Variants in SLC35F3 observed in about 807,000 individuals in gnomAD.
SLC35F3 encodes the protein solute carrier family 35 member F3.
A neutral mutation model predicts 49.9 loss-of-function variants in SLC35F3; 25 were observed. The ratio of observed to expected loss-of-function variants is 0.50; its 90% CI spans 0.37 to 0.70. The LOEUF (loss-of-function observed/expected upper bound fraction) is 0.70, where lower values mean the gene tolerates loss of function less well. Among genes scored for constraint, SLC35F3 ranks in the 30% least tolerant of loss-of-function variants. The pLI, the probability that SLC35F3 is intolerant of heterozygous loss-of-function variation, is 0.00. For synonymous variants in SLC35F3, 275 were observed against 265.4 expected (o/e 1.04, Z -0.35); for missense variants, 525 against 639.8 (o/e 0.82, Z 1.94).
intron 2 of SLC35F3, among the ~76,000 whole-genome samples, chr1:234,185,330 T>C (rs909085073): frequency 6.6e-6 from 1 of 152,152 alleles, no homozygotes; most frequent in Non-Finnish European, 1.5e-5. Context: ...TCCAAATGTG[T>C]CTGAAGCCAA....
intron 2 of SLC35F3, among the ~76,000 whole-genome samples, chr1:234,028,508 A>G (rs1276038458): frequency 6.6e-6 from 1 of 152,160 alleles, no homozygotes; most frequent in Admixed American, 6.5e-5. Flanking sequence ...TGGGTGAAAG[A>G]GGATGTTTGC....
chr1:234,030,068 T>G (rs1397924326), intron 2 of SLC35F3, among the ~76,000 whole-genome samples: 1 of 152,210 alleles, frequency 6.6e-6, no homozygotes, highest in Non-Finnish European at 1.5e-5. Flanking sequence ...TATAATTAAA[T>G]GTAGCACTCA....
At chr1:234,204,493 A>G (rs1191994575) in intron 2 of SLC35F3, among the ~76,000 whole-genome samples, 1 of 152,188 alleles carries the variant, frequency 6.6e-6, no homozygotes. Context: ...GGTCACAATT[A>G]CGATGGCCCT....
chr1:233,958,365 T>G (rs1478073994), intron 2 of SLC35F3, among the ~76,000 whole-genome samples: 2 of 152,224 alleles, frequency 1.3e-5, no homozygotes, highest in African/African-American at 2.4e-5. Flanking sequence ...TTTCTCACTC[T>G]TTTTCCTTAG....
chr1:234,123,213 T>A (rs1013301993), intron 2 of SLC35F3, among the ~76,000 whole-genome samples: 1 of 152,244 alleles, frequency 6.6e-6, no homozygotes, highest in African/African-American at 2.4e-5. Context: ...ATTTCTCTAA[T>A]GATCAGTGAT....
At chr1:234,001,183 C>T (rs1663548824) in intron 2 of SLC35F3, among the ~76,000 whole-genome samples, 1 of 152,138 alleles carries the variant, frequency 6.6e-6, no homozygotes, top group Non-Finnish European at 1.5e-5. Flanking sequence ...CATCTGTGGA[C>T]CTCAAAGTGT....
In SLC35F3 at chr1:234,231,402, C is replaced by G. The variant is rs1471242730; in HGVS notation, c.284-15C>G. On this transcript the variant is annotated splice_polypyrimidine_tract_variant and intron_variant, in intron 2 of 7. Transcript: ENST00000366618. The surrounding 1 kb of genome is among the most constrained non-coding windows in gnomAD (Gnocchi z 5.4). ...GGTCTGCAGGCCCCGCTAACCACGC[C>G]CTTCTCTTCCCCAGGGGAGGAGCGC... 1.3e-6 allele frequency: 2 copies of G among 1,510,182 alleles called. No individual in the cohort carries two copies. The highest frequency in any genetic ancestry group is 1.8e-6 in the Non-Finnish European group (2 of 1,132,392). 93.5% of individuals were successfully genotyped at this position (1,510,182 alleles called of 1,614,324 possible).
At chr1:234,257,498 A>G (rs1428649416) in intron 3 of SLC35F3, among the ~76,000 whole-genome samples, 4 of 152,246 alleles carry the variant, frequency 2.6e-5, no homozygotes. Context: ...ATGTATTTGC[A>G]CACAGCAAAA....
intron 2 of SLC35F3, among the ~76,000 whole-genome samples, chr1:234,145,865 T>C (rs1160579437): frequency 1.3e-5 from 2 of 152,194 alleles, no homozygotes; most frequent in Non-Finnish European, 2.9e-5. Context: ...ATCTTTCTCT[T>C]TTTTCCTTTA....
intron 2 of SLC35F3, among the ~76,000 whole-genome samples, chr1:234,018,307 T>C (rs1208993585): frequency 6.6e-6 from 1 of 152,200 alleles, no homozygotes; most frequent in East Asian, 1.9e-4. Flanking sequence ...CTTTATGCCC[T>C]AGAAGAAAGG....
intron 2 of SLC35F3, among the ~76,000 whole-genome samples, chr1:234,054,117 T>C (rs1464202589): frequency 6.6e-6 from 1 of 152,192 alleles, no homozygotes; most frequent in African/African-American, 2.4e-5. Context: ...CAATTATGTG[T>C]CTTGGAGTTG....
chr1:234,290,839 T>C (rs1668495714), intron 3 of SLC35F3, among the ~76,000 whole-genome samples: 1 of 152,236 alleles, frequency 6.6e-6, no homozygotes, highest in Non-Finnish European at 1.5e-5. Context: ...GGGTTCTTTC[T>C]GTAACTACAA....
At chr1:234,240,469 G>A (rs1667536152) in intron 3 of SLC35F3, among the ~76,000 whole-genome samples, 1 of 151,878 alleles carries the variant, frequency 6.6e-6, no homozygotes, top group Admixed American at 6.5e-5. Context: ...GCTGGACATG[G>A]TGGCACGTCC....
chr1:234,204,910 AG>A (rs568807754), intron 2 of SLC35F3, among the ~76,000 whole-genome samples: 243 of 152,366 alleles, frequency 1.6e-3, no homozygotes, highest in Non-Finnish European at 2.6e-3. Flanking sequence ...TTTTGCAAAA[AG>A]CAAGGTGTGT....
rs77479497 is a variant in SLC35F3 at position 234,154,441 on chromosome 1, G to A, written c.284-76976G>A. On this transcript the variant is annotated intron_variant, in intron 2 of 7. Coordinates refer to ENST00000366618, the MANE Select transcript of SLC35F3 (RefSeq NM_173508.4). ...ATTTCTTAGTTCAACTGCCAATCCA[G>A]TAGCAGTGAGCATTCCTCACCCACT... is the stretch of plus-strand genomic sequence containing the variant. 5.9e-3 allele frequency among the ~76,000 whole-genome samples: 903 copies of A among 152,304 alleles called. 9 individuals are homozygous for A. The highest frequency in any genetic ancestry group is 0.021 in the African/African-American group (860 of 41,572).
chr1:234,090,456 C>G (rs1317121411), intron 2 of SLC35F3, among the ~76,000 whole-genome samples: 1 of 152,202 alleles, frequency 6.6e-6, no homozygotes, highest in Non-Finnish European at 1.5e-5. Flanking sequence ...GGCTGCAGAG[C>G]AAGGAGACAG....
At chr1:234,019,082 G>A (rs1663852056) in intron 2 of SLC35F3, among the ~76,000 whole-genome samples, 1 of 152,258 alleles carries the variant, frequency 6.6e-6, no homozygotes, top group Admixed American at 6.5e-5. Context: ...CCCAGCACAT[G>A]TCTGCCAGAA....
chr1:234,089,567 G>A (rs1210967130), intron 2 of SLC35F3, among the ~76,000 whole-genome samples: 2 of 152,182 alleles, frequency 1.3e-5, no homozygotes, highest in East Asian at 1.9e-4. Flanking sequence ...CATTTCAGAA[G>A]GTTCGTCTGC....
chr1:234,015,208 C>T (rs943719330), intron 2 of SLC35F3, among the ~76,000 whole-genome samples: 8 of 151,790 alleles, frequency 5.3e-5, no homozygotes, highest in Admixed American at 1.3e-4. Context: ...TAGCCAGGTG[C>T]GGTGTGGTGT....
Sources: allele counts gnomAD v4.1 joint callset (sites outside exome capture counted in the v4.1 genomes callset), GRCh38; gene constraint gnomAD v4.1.1; non-coding constraint Gnocchi (gnomAD v3.1); transcripts MANE v1.5; gene names NCBI Gene and HGNC (gene_info 2026-07-23, HGNC 2026-07-21).